GABPB1: variants seen among roughly 807,000 people sequenced by gnomAD.
GABPB1 encodes GA-binding protein subunit beta-1.
A neutral mutation model predicts 45.9 loss-of-function variants in GABPB1; 15 were observed. That is an observed-to-expected ratio of 0.33 (90% CI 0.22 to 0.50). The LOEUF (loss-of-function observed/expected upper bound fraction) is 0.50, where lower values mean the gene tolerates loss of function less well. Ranked by LOEUF, GABPB1 falls within the 20% of genes least tolerant of loss-of-function variation. The pLI, the probability that GABPB1 is intolerant of heterozygous loss-of-function variation, is 0.98. For synonymous variants in GABPB1, 143 were observed against 154.4 expected (o/e 0.93, Z 0.55); for missense variants, 252 against 457.5 (o/e 0.55, Z 4.10).
chr15:50,300,636 AG>A (rs1490412743), intron 6 of GABPB1, among the ~76,000 whole-genome samples, 152 bp downstream of exon 6: 1 of 151,390 alleles, frequency 6.6e-6, no homozygotes, highest in African/African-American at 2.4e-5. Flanking sequence ...GTAGAAACAG[AG>A]TTTCACTATG....
chr15:50,302,251 T>C (rs2046776323), intron 4 of GABPB1, among the ~76,000 whole-genome samples: 1 of 152,200 alleles, frequency 6.6e-6, no homozygotes. Context: ...GGAATGATAT[T>C]ATGGTTGCTA....
chr15:50,302,941 T>C lies in GABPB1; in HGVS notation c.459A>G (p.Ala153=). The C allele has an allele frequency of 6.2e-7, 1 of 1,611,480 alleles. No homozygotes were observed. Among genetic ancestry groups the C allele is most frequent in the Non-Finnish European group, 8.5e-7 (1 of 1,178,344 alleles). ...ISIDNGNEDL[A]EILQIAMQNQ... is the part of the protein sequence containing the mutation. Reference sequence around the variant, plus strand: ...AGCCAAAAGTTACCTGTAATATCTCTGCTAAATCTTCATTTCCATTGTCTA... The same window carrying C: ...AGCCAAAAGTTACCTGTAATATCTCCGCTAAATCTTCATTTCCATTGTCTA... Residue 153 remains alanine (A), a synonymous_variant, in exon 4 of 9, where the codon GCA becomes GCG. Transcript: ENST00000380877.
chr15:50,315,243 C>T (rs2047276115), intron 1 of GABPB1, among the ~76,000 whole-genome samples: 4 of 152,088 alleles, frequency 2.6e-5, no homozygotes, highest in Admixed American at 6.5e-5. Context: ...CCGATCCTCC[C>T]GCCTCAGTCT....
chr15:50,300,864 A>T lies in GABPB1; in HGVS notation c.622T>A (p.Ser208Thr). 1 of 1,612,472 alleles carries T rather than the reference A, an allele frequency of 6.2e-7. No homozygotes were observed. Among genetic ancestry groups the T allele is most frequent in the Non-Finnish European group, 8.5e-7 (1 of 1,178,592 alleles). The change falls in exon 6 of 9, where the codon TCT becomes ACT. Residue 208 changes from serine to threonine, a missense_variant. By Grantham distance (58) the Ser-to-Thr change is moderately conservative. Around this residue, in one of 4 missense-constraint regions of GABPB1, gnomAD observed 193 missense variants for 259.9 expected, o/e 0.74. Coordinates refer to ENST00000380877, the MANE Select transcript of GABPB1 (RefSeq NM_016654.5). ...GCTAATGTAGCTAATACTGATGTAG[A>T]AGAGTTTCCAAACTGAACAGCAGAT... ...GVSAVQFGNS[S>T]TSVLATLAAL...
intron 1 of GABPB1, among the ~76,000 whole-genome samples, chr15:50,312,254 G>A (rs932849191): frequency 6.6e-6 from 1 of 151,840 alleles, no homozygotes; most frequent in African/African-American, 2.4e-5. Flanking sequence ...ATTATATCCT[G>A]TAGTAAAGAA....
chr15:50,302,804 C>A, intron 4 of GABPB1, 125 bp downstream of exon 4: 1 of 649,442 alleles, frequency 1.5e-6, no homozygotes, highest in Non-Finnish European at 2.6e-6. Flanking sequence ...AAAGGCCTAT[C>A]CAAAATAACT....
intron 1 of GABPB1, among the ~76,000 whole-genome samples, chr15:50,312,438 T>C (rs986352651): frequency 1.3e-5 from 2 of 152,172 alleles, no homozygotes; most frequent in Non-Finnish European, 2.9e-5. Context: ...CAATCCTGCT[T>C]AAAGACGCTA....
intron 1 of GABPB1, among the ~76,000 whole-genome samples, chr15:50,320,046 C>A (rs1198228899): frequency 1.3e-5 from 2 of 152,074 alleles, no homozygotes; most frequent in East Asian, 3.8e-4. Context: ...AACAAAAACA[C>A]ACAAAGGGGT....
Position 50,331,356 on chromosome 15 carries a change from G to A in GABPB1, c.1-21558C>T, listed in dbSNP as rs1462501108. Reference sequence around the variant, plus strand: ...GCAGATTCCAATAACAGTAGTGGTAGCAGCTTCCTCCTGTGATAAATTCCT... The same window carrying A: ...GCAGATTCCAATAACAGTAGTGGTAACAGCTTCCTCCTGTGATAAATTCCT... On this transcript the variant is annotated intron_variant, in intron 1 of 8. Transcript: ENST00000380877. Among the ~76,000 whole-genome samples, 11 of 152,320 alleles carry A rather than the reference G, an allele frequency of 7.2e-5. No individual in the cohort carries two copies. The East Asian group carries it at 1.9e-3, about 27-fold the overall frequency.
intron 1 of GABPB1, among the ~76,000 whole-genome samples, chr15:50,317,739 C>T (rs1171849475): frequency 6.6e-6 from 1 of 151,916 alleles, no homozygotes; most frequent in Non-Finnish European, 1.5e-5. Flanking sequence ...GAAACCCCGT[C>T]TCTACTGAAA....
chr15:50,284,991 A>G (rs1432798512), intron 8 of GABPB1, among the ~76,000 whole-genome samples: 2 of 152,136 alleles, frequency 1.3e-5, no homozygotes, highest in Non-Finnish European at 1.5e-5. Context: ...TTTAAACTCA[A>G]TAATATATTT....
intron 1 of GABPB1, among the ~76,000 whole-genome samples, chr15:50,310,153 C>T (rs2047081006): frequency 6.6e-6 from 1 of 152,194 alleles, no homozygotes; most frequent in Non-Finnish European, 1.5e-5. Flanking sequence ...AGTGCAGTGG[C>T]ACGATGTTGG....
chr15:50,324,843 G>A (rs1421031743), intron 1 of GABPB1, among the ~76,000 whole-genome samples: 1 of 152,044 alleles, frequency 6.6e-6, no homozygotes, highest in Non-Finnish European at 1.5e-5. Context: ...CACCCCGCCT[G>A]GCCTCTGTAG....
chr15:50,325,269 T>C (rs991562142), intron 1 of GABPB1, among the ~76,000 whole-genome samples: 1 of 143,212 alleles, frequency 7.0e-6, no homozygotes, highest in Non-Finnish European at 1.5e-5. Context: ...GGACAAATAA[T>C]ATTTTGAGGG....
In GABPB1 at chr15:50,277,907, G is replaced by A. The variant is rs900705272; in HGVS notation, c.*725C>T. On this transcript the variant is annotated 3_prime_UTR_variant, in exon 9 of 9. Coordinates refer to ENST00000380877, the MANE Select transcript of GABPB1 (RefSeq NM_016654.5). ...ATAAAACCAGCTGCCAGCTTACTTC[G>A]TTTCAATGACCTACAGAGTAAAGGG... 4.6e-5 allele frequency: 7 copies of A among 151,620 alleles called. No homozygotes were observed. In the East Asian group the frequency reaches 9.6e-4, roughly 21 times the overall value. 9.4% of individuals were successfully genotyped at this position (151,620 alleles called of 1,614,324 possible). A position where few individuals can be genotyped will look rare whatever the true frequency, so the allele number is the denominator to read the frequency against.
rs371807714 is a variant in GABPB1, at chr15:50,283,604, G to A, written c.999+2464C>T. Among the ~76,000 whole-genome samples the A allele has an allele frequency of 5.6e-3, 848 of 151,676 alleles. 9 individuals are homozygous for A. The highest frequency in any genetic ancestry group is 0.019 in the African/African-American group (800 of 41,322). ...CGGCTCACTGCAACCTCCATCTCCCGGGTTCAAGCAACTCTCCTGCCTCAA... is the reference window on the plus strand; with the variant it reads ...CGGCTCACTGCAACCTCCATCTCCCAGGTTCAAGCAACTCTCCTGCCTCAA... On this transcript the variant is annotated intron_variant, in intron 8 of 8. Coordinates refer to ENST00000380877, the MANE Select transcript of GABPB1 (RefSeq NM_016654.5).
intron 1 of GABPB1, among the ~76,000 whole-genome samples, chr15:50,346,098 G>A (rs1432589297): frequency 6.6e-6 from 1 of 152,112 alleles, no homozygotes; most frequent in Non-Finnish European, 1.5e-5. Flanking sequence ...AACTGTGGCA[G>A]CAGGATTCTT....
At chr15:50,342,657 C>T (rs930069436) in intron 1 of GABPB1, among the ~76,000 whole-genome samples, 2 of 152,170 alleles carry the variant, frequency 1.3e-5, no homozygotes, top group Non-Finnish European at 2.9e-5. Flanking sequence ...TGTGAAATCA[C>T]TTTAGTAGGT....
chr15:50,345,051 G>A (rs2048514471), intron 1 of GABPB1, among the ~76,000 whole-genome samples: 1 of 152,100 alleles, frequency 6.6e-6, no homozygotes, highest in Non-Finnish European at 1.5e-5. Flanking sequence ...ACATTTGGGA[G>A]TCATCAGCAT....
Sources: allele counts gnomAD v4.1 joint callset (sites outside exome capture counted in the v4.1 genomes callset), GRCh38; gene constraint gnomAD v4.1.1; regional missense constraint gnomAD v4.1.1; transcripts MANE v1.5; gene names NCBI Gene and HGNC (gene_info 2026-07-23, HGNC 2026-07-21).